Variants in SLC24A2 observed in about 807,000 individuals in gnomAD.
The protein encoded by SLC24A2 is sodium/potassium/calcium exchanger 2.
In SLC24A2, 36 loss-of-function variants were observed where a neutral mutation model predicts 62.0. The observed-to-expected ratio is 0.58, with a 90% CI of 0.44 to 0.77. SLC24A2 has a LOEUF of 0.77. SLC24A2 is among the 30% of genes least tolerant of loss of function. The pLI is 0.00. For missense variants in SLC24A2, 846 were observed against 817.9 expected (o/e 1.03, Z -0.42); for synonymous variants, 358 against 294.0 (o/e 1.22, Z -2.23).
chr9:20,085,102 A>G, the SLC24A2 span, among the ~76,000 whole-genome samples: 1 of 151,896 alleles, frequency 6.6e-6, no homozygotes, highest in Non-Finnish European at 1.5e-5. Context: ...CTCAAACAGT[A>G]CTCCCACCTC....
intron 2 of SLC24A2, among the ~76,000 whole-genome samples, chr9:19,731,326 G>A (rs1172941652): frequency 2.0e-5 from 3 of 152,176 alleles, no homozygotes; most frequent in African/African-American, 7.2e-5. Context: ...GCTATGGACT[G>A]AATGTTTGTG....
the SLC24A2 span, among the ~76,000 whole-genome samples, chr9:19,899,960 G>A: frequency 6.6e-6 from 1 of 152,190 alleles, no homozygotes; most frequent in South Asian, 2.1e-4. Flanking sequence ...AATTCAAGAT[G>A]AGATGTGTGT....
intron 5 of SLC24A2, among the ~76,000 whole-genome samples, chr9:19,587,627 C>T (rs1343190196): frequency 1.3e-5 from 2 of 151,552 alleles, no homozygotes; most frequent in African/African-American, 4.9e-5. Flanking sequence ...ATTGAACATG[C>T]CAGCCTCCAA....
At chr9:19,608,831 T>C (rs1456175222) in intron 4 of SLC24A2, among the ~76,000 whole-genome samples, 1 of 151,060 alleles carries the variant, frequency 6.6e-6, no homozygotes, top group Admixed American at 6.6e-5. Flanking sequence ...CACTCGCACA[T>C]ACCTAGCACC....
At chr9:20,148,918 T>A in the SLC24A2 span, among the ~76,000 whole-genome samples, 5 of 152,084 alleles carry the variant, frequency 3.3e-5, no homozygotes, top group African/African-American at 9.7e-5. Context: ...AAACATTTTT[T>A]AAAAATCACA....
chr9:19,934,649 G>A, the SLC24A2 span, among the ~76,000 whole-genome samples: 1 of 152,210 alleles, frequency 6.6e-6, no homozygotes, highest in African/African-American at 2.4e-5. The surrounding 1 kb of genome is among the most constrained non-coding windows in gnomAD (Gnocchi z 4.1). Flanking sequence ...AATTTCCTTT[G>A]GGGGTTTCAT....
the SLC24A2 span, among the ~76,000 whole-genome samples, chr9:19,910,896 T>C: frequency 8.5e-4 from 127 of 149,244 alleles, no homozygotes; most frequent in Admixed American, 3.7e-3. Context: ...CTTTTTTTTT[T>C]CTTTTCTTTT....
At chr9:20,085,906 T>A in the SLC24A2 span, among the ~76,000 whole-genome samples, 4 of 152,310 alleles carry the variant, frequency 2.6e-5, no homozygotes, top group East Asian at 7.7e-4. Context: ...TTTTTTTCCC[T>A]CCAATTTAAC....
rs865936326 is a variant in SLC24A2, at chr9:19,572,255, G to A, written c.1347+1096C>T. Among the ~76,000 whole-genome samples the A allele has an allele frequency of 1.4e-4, 10 of 72,940 alleles. No homozygotes were observed. In the East Asian group the frequency reaches 1.6e-3, roughly 12 times the overall value. The allele number at this position is 72,940 out of a possible 152,430, so 47.9% of individuals were successfully genotyped here. A position where few individuals can be genotyped will look rare whatever the true frequency, so the allele number is the denominator to read the frequency against. On this transcript the variant is annotated intron_variant, in intron 7 of 10. Coordinates refer to ENST00000341998, the MANE Select transcript of SLC24A2 (RefSeq NM_020344.4). Reference sequence around the variant, plus strand: ...AGGCTGGGTGACAGAGTGAGAGTCCGTCTCAAAAAAAAAAAAAAAAAAAAA... The same window carrying A: ...AGGCTGGGTGACAGAGTGAGAGTCCATCTCAAAAAAAAAAAAAAAAAAAAA...
chr9:19,612,166 G>A (rs1837192494), intron 4 of SLC24A2, among the ~76,000 whole-genome samples: 1 of 152,172 alleles, frequency 6.6e-6, no homozygotes, highest in African/African-American at 2.4e-5. Context: ...GCTCAAATGT[G>A]AAAACCAAAC....
intron 3 of SLC24A2, 50 bp from the exon 4 acceptor site, chr9:19,619,742 T>G: frequency 7.2e-7 from 1 of 1,381,252 alleles, no homozygotes; most frequent in Non-Finnish European, 1.0e-6. Context: ...GAAAGACAAG[T>G]GCATTATAGA....
the SLC24A2 span, among the ~76,000 whole-genome samples, chr9:19,880,348 G>A: frequency 1.3e-5 from 2 of 152,250 alleles, no homozygotes; most frequent in Admixed American, 1.3e-4. Context: ...TGATTGGGCT[G>A]GTGTACATCA....
chr9:19,568,587 T>G (rs993197191), intron 7 of SLC24A2, among the ~76,000 whole-genome samples: 3 of 152,222 alleles, frequency 2.0e-5, no homozygotes, highest in African/African-American at 4.8e-5. Flanking sequence ...TATCCCTGTT[T>G]CACAAAGAGG....
chr9:19,955,903 T>C, the SLC24A2 span, among the ~76,000 whole-genome samples: 3 of 152,198 alleles, frequency 2.0e-5, no homozygotes, highest in African/African-American at 7.2e-5. Flanking sequence ...ATTTTCTCCC[T>C]TACAAAATTT....
At chr9:19,898,567 T>C in the SLC24A2 span, among the ~76,000 whole-genome samples, 21 of 151,490 alleles carry the variant, frequency 1.4e-4, no homozygotes, top group African/African-American at 2.9e-4. Context: ...ATGGAGAAAC[T>C]CCATCTCTAC....
chr9:20,264,713 A>G, the SLC24A2 span, among the ~76,000 whole-genome samples: 1 of 152,200 alleles, frequency 6.6e-6, no homozygotes, highest in African/African-American at 2.4e-5. Context: ...GTGGTAAAAT[A>G]TAGGTGCTTA....
intron 2 of SLC24A2, among the ~76,000 whole-genome samples, chr9:19,660,483 A>C (rs1349088579): frequency 1.3e-5 from 2 of 152,188 alleles, no homozygotes; most frequent in Non-Finnish European, 2.9e-5. Flanking sequence ...AAAGTTCTCA[A>C]AATATAGGAG....
intron 2 of SLC24A2, among the ~76,000 whole-genome samples, chr9:19,702,257 C>G (rs890957339): frequency 1.3e-5 from 2 of 152,152 alleles, no homozygotes; most frequent in Non-Finnish European, 2.9e-5. Flanking sequence ...TCTCTGTACA[C>G]TTGGTGCTCC....
intron 10 of SLC24A2, among the ~76,000 whole-genome samples, chr9:19,518,953 T>C (rs1465160861): frequency 6.6e-6 from 1 of 152,220 alleles, no homozygotes. Context: ...AGTTCATTAA[T>C]ACTGCTTAAA....
Sources: allele counts gnomAD v4.1 joint callset (sites outside exome capture counted in the v4.1 genomes callset), GRCh38; gene constraint gnomAD v4.1.1; non-coding constraint Gnocchi (gnomAD v3.1); transcripts MANE v1.5; gene names NCBI Gene and HGNC (gene_info 2026-07-23, HGNC 2026-07-21).